The following TTBK2 variants were observed in gnomAD, a reference collection of about 807,000 sequenced individuals.
TTBK2 encodes tau-tubulin kinase 2.
A neutral mutation model predicts 110.8 loss-of-function variants in TTBK2; 28 were observed. That is an observed-to-expected ratio of 0.25 (90% CI 0.19 to 0.35). The LOEUF (loss-of-function observed/expected upper bound fraction) is 0.35, where lower values mean the gene tolerates loss of function less well. TTBK2 is among the 10% of genes least tolerant of loss of function. The pLI is 1.00. For synonymous variants in TTBK2, 532 were observed against 527.3 expected (o/e 1.01, Z -0.12); for missense variants, 1,369 against 1,500.3 (o/e 0.91, Z 1.45).
At chr15:42,889,672 G>T (rs1016342577) in intron 1 of TTBK2, among the ~76,000 whole-genome samples, 3 of 152,030 alleles carry the variant, frequency 2.0e-5, no homozygotes, top group Admixed American at 2.0e-4. Flanking sequence ...TTCAGACCTT[G>T]TATCTTCCGT....
At chr15:42,847,626 A>C (rs982759134) in intron 3 of TTBK2, among the ~76,000 whole-genome samples, 1 of 152,204 alleles carries the variant, frequency 6.6e-6, no homozygotes, top group East Asian at 1.9e-4. Context: ...GCGGAGGTTC[A>C]TTACTTTTGT....
At chr15:42,767,056 G>A (rs145279841) in intron 13 of TTBK2, among the ~76,000 whole-genome samples, 1,888 of 152,248 alleles carry the variant, frequency 0.012, 40 homozygotes, top group East Asian at 0.042. Context: ...CAAAATGAAG[G>A]AAGAAATAAA....
In TTBK2 at chr15:42,872,684, T is replaced by A. The variant is rs183146681; in HGVS notation, c.144A>T (p.Ala48=). 3 of 1,614,182 alleles carry A rather than the reference T, an allele frequency of 1.9e-6. No homozygotes were observed. Among genetic ancestry groups the A allele is most frequent in the Non-Finnish European group, 2.5e-6 (3 of 1,180,036 alleles). Residue 48 remains alanine, a synonymous_variant, in exon 3 of 15, where the codon GCA becomes GCT. Transcript: ENST00000267890. The stretch of plus-strand genomic sequence containing the variant: ...GTTGTTGAGCTGATTCCACCTTCAG[T>A]GCAACATTTTCCCTGGTGAGCATGT... ...ALDMLTRENV[A]LKVESAQQPK...
intron 13 of TTBK2, among the ~76,000 whole-genome samples, chr15:42,755,653 ATTAGG>A (rs1315081694): frequency 6.6e-6 from 1 of 152,218 alleles, no homozygotes; most frequent in Non-Finnish European, 1.5e-5. Context: ...GGGAAAAAGC[ATTAGG>A]TTCTATTGGT....
chr15:42,819,935 A>G (rs1294348222), intron 6 of TTBK2, among the ~76,000 whole-genome samples: 1 of 152,186 alleles, frequency 6.6e-6, no homozygotes, highest in African/African-American at 2.4e-5. Flanking sequence ...CAGACTTATT[A>G]TCACATTCTG....
chr15:42,773,534 A>C (rs2140745685), intron 13 of TTBK2, among the ~76,000 whole-genome samples: 1 of 152,334 alleles, frequency 6.6e-6, no homozygotes, highest in East Asian at 1.9e-4. Flanking sequence ...GCCTATCAAC[A>C]ACTTGTCAGA....
chr15:42,830,482 C>T (rs1892712518), intron 4 of TTBK2, among the ~76,000 whole-genome samples: 1 of 152,066 alleles, frequency 6.6e-6, no homozygotes, highest in Non-Finnish European at 1.5e-5. Context: ...ACCACTGCAC[C>T]CAGCCAATAG....
intron 14 of TTBK2, among the ~76,000 whole-genome samples, chr15:42,748,433 G>A (rs1191547679): frequency 1.3e-5 from 2 of 151,894 alleles, no homozygotes; most frequent in African/African-American, 4.8e-5. Context: ...CTCCTGCCTG[G>A]GTGACAGAGC....
At chr15:42,878,802 G>T in intron 1 of TTBK2, 118 bp from the exon 2 acceptor site, 2 of 1,297,268 alleles carry the variant, frequency 1.5e-6, no homozygotes, top group East Asian at 2.7e-5. Flanking sequence ...TATTTTGTTG[G>T]GAAGAAGGGG....
At chr15:42,837,934 G>A (rs548406501) in intron 4 of TTBK2, among the ~76,000 whole-genome samples, 12 of 151,952 alleles carry the variant, frequency 7.9e-5, no homozygotes, top group East Asian at 3.9e-4. Context: ...CCTGCTGGGC[G>A]CGGTGGCTCA....
chr15:42,801,836 A>C, intron 9 of TTBK2: 1 of 900,170 alleles, frequency 1.1e-6, no homozygotes, highest in Non-Finnish European at 1.8e-6. Flanking sequence ...ATGAGCACAA[A>C]TTCATTCTCC....
rs886051160 is a variant in TTBK2, at chr15:42,745,104, TA to T, written c.*690del. 2.2e-3 allele frequency: 317 copies of T among 144,454 alleles called. No homozygotes were observed. The highest frequency in any genetic ancestry group is 2.8e-3 in the Middle Eastern group (5 of 1,784). 8.9% of individuals were successfully genotyped at this position (144,454 alleles called of 1,614,324 possible). ...TGTAATATGTTAAGAACTCTTGCTC[TA>T]AAAAAAAAAAATCAGGGGGACCTAA... On this transcript the variant is annotated 3_prime_UTR_variant, in exon 15 of 15. Coordinates refer to ENST00000267890, the MANE Select transcript of TTBK2 (RefSeq NM_173500.4).
In TTBK2 at chr15:42,747,730, C is replaced by T. The variant is rs182974002; in HGVS notation, c.3273-1473G>A. On this transcript the variant is annotated intron_variant, in intron 14 of 14. Transcript: ENST00000267890. ...ATATTTTAGTGGCAATGCCAAATTACGTAGTGAGAAGGACCCTAGGGCCCC... is the reference window on the plus strand; with the variant it reads ...ATATTTTAGTGGCAATGCCAAATTATGTAGTGAGAAGGACCCTAGGGCCCC... Among the ~76,000 whole-genome samples the T allele has an allele frequency of 3.3e-5, 5 of 152,228 alleles. No individual in the cohort carries two copies. In the East Asian group the frequency reaches 5.8e-4, roughly 18 times the overall value.
intron 1 of TTBK2, among the ~76,000 whole-genome samples, chr15:42,910,751 G>A (rs1226863998): frequency 2.6e-5 from 4 of 151,988 alleles, no homozygotes; most frequent in African/African-American, 9.7e-5. Context: ...GATGTAAAAG[G>A]TAAAAAAATA....
chr15:42,865,523 A>AAAAC (rs146553913), intron 3 of TTBK2, among the ~76,000 whole-genome samples: 5,111 of 150,168 alleles, frequency 0.034, 293 homozygotes, highest in African/African-American at 0.12. Context: ...TAAAAAAAAA[A>AAAAC]AAAAAACCAA....
chr15:42,795,562 C>T (rs1018368783), intron 9 of TTBK2, among the ~76,000 whole-genome samples: 1 of 152,116 alleles, frequency 6.6e-6, no homozygotes. Context: ...TCATCTTGTA[C>T]ATTTCCTGCC....
At chr15:42,807,162 T>C (rs1430153922) in intron 9 of TTBK2, among the ~76,000 whole-genome samples, 1 of 152,156 alleles carries the variant, frequency 6.6e-6, no homozygotes. Flanking sequence ...TTCCTAAACC[T>C]GGAAAGTATA....
intron 3 of TTBK2, among the ~76,000 whole-genome samples, chr15:42,861,387 A>G (rs539529796): frequency 6.6e-6 from 1 of 152,312 alleles, no homozygotes; most frequent in African/African-American, 2.4e-5. Flanking sequence ...TCAAAAAATC[A>G]AAACCTAGCA....
At position 42,800,937 on chromosome 15, in the gene TTBK2, G is replaced by A. The variant is rs759196183; in HGVS notation, c.823-6136C>T. ...CTCCCTCCTAGGCTCTGCGGCAGCC[G>A]CAGGAGGGACAGGCTGGGAGGGGCT... is the stretch of plus-strand genomic sequence containing the variant. On this transcript the variant is annotated intron_variant, in intron 9 of 14. Transcript: ENST00000267890. 4.4e-5 allele frequency: 32 copies of A among 721,974 alleles called. No homozygotes were observed. In the East Asian group the frequency reaches 6.4e-4, roughly 14 times the overall value. The allele number at this position is 721,974 out of a possible 1,614,324, so 44.7% of individuals were successfully genotyped here. A position where few individuals can be genotyped will look rare whatever the true frequency, so the allele number is the denominator to read the frequency against.
Sources: allele counts gnomAD v4.1 joint callset (sites outside exome capture counted in the v4.1 genomes callset), GRCh38; gene constraint gnomAD v4.1.1; transcripts MANE v1.5; gene names NCBI Gene and HGNC (gene_info 2026-07-23, HGNC 2026-07-21).